Variants in MAML2 observed in about 807,000 individuals in gnomAD.
The protein encoded by MAML2 is mastermind-like protein 2.
A neutral mutation model predicts 96.1 loss-of-function variants in MAML2; 22 were observed. The observed-to-expected ratio is 0.23, with a 90% CI of 0.16 to 0.33. The LOEUF (loss-of-function observed/expected upper bound fraction) is 0.33, where lower values mean the gene tolerates loss of function less well. Ranked by LOEUF, MAML2 falls within the 10% of genes least tolerant of loss-of-function variation. MAML2 has a pLI of 1.00. For missense variants in MAML2, 1,367 were observed against 1,392.4 expected, an observed-to-expected ratio of 0.98 and a Z score of 0.29; for synonymous variants, 561 against 521.3, an observed-to-expected ratio of 1.08 and a Z score of -1.04.
rs549312275 is a variant in MAML2, at chr11:96,034,432, T to TGTGTGTGAGAGAGAGA, written c.2140-42710_2140-42709insTCTCTCTCTCACACAC. 4.3e-3 allele frequency among the ~76,000 whole-genome samples: 581 copies of TGTGTGTGAGAGAGAGA among 135,674 alleles called. 4 individuals are homozygous for TGTGTGTGAGAGAGAGA. Among genetic ancestry groups the TGTGTGTGAGAGAGAGA allele is most frequent in the Middle Eastern group, 0.014 (4 of 276 alleles). 89.0% of individuals were successfully genotyped at this position (135,674 alleles called of 152,430 possible). On this transcript the variant is annotated intron_variant, in intron 2 of 4. Transcript: ENST00000524717. ...AAGTGTGTGTGTGTGTGTGTGTGTG[T>TGTGTGTGAGAGAGAGA]GAGAGAGAGAGAGAGAGAGAGAGAG...
At chr11:96,168,959 A>G (rs1861237582) in intron 1 of MAML2, among the ~76,000 whole-genome samples, 1 of 152,100 alleles carries the variant, frequency 6.6e-6, no homozygotes, top group Non-Finnish European at 1.5e-5. Context: ...TCAGATTTGA[A>G]CTACACCATA....
At chr11:96,116,601 A>T (rs994391048) in intron 1 of MAML2, among the ~76,000 whole-genome samples, 1 of 152,206 alleles carries the variant, frequency 6.6e-6, no homozygotes. Context: ...CCACTGGGAC[A>T]TATGGAGCTG....
At chr11:96,295,182 C>T (rs921950459) in intron 1 of MAML2, among the ~76,000 whole-genome samples, 1 of 152,102 alleles carries the variant, frequency 6.6e-6, no homozygotes. Flanking sequence ...CATTTAATTT[C>T]TATTACTAAT....
intron 1 of MAML2, among the ~76,000 whole-genome samples, chr11:96,324,374 AAT>A (rs999146459): frequency 6.6e-6 from 1 of 152,244 alleles, no homozygotes; most frequent in African/African-American, 2.4e-5. Context: ...ATAAACGCTT[AAT>A]ACATGTTATT....
Position 96,269,565 on chromosome 11 carries a change from G to T in MAML2, c.513+71818C>A, listed in dbSNP as rs1862884016. ...CTTGCTCTGTTGCCCAGCCCAGAGT[G>T]CAGTGGCACAATCTCAGCTCACCGC... On this transcript the variant is annotated intron_variant, in intron 1 of 4. Coordinates refer to ENST00000524717, the MANE Select transcript of MAML2 (RefSeq NM_032427.4). 1.4e-5 allele frequency among the ~76,000 whole-genome samples: 2 copies of T among 144,186 alleles called. 1 individual carries two copies. Among genetic ancestry groups the T allele is most frequent in the Non-Finnish European group, 3.0e-5 (2 of 66,750 alleles). The allele number at this position is 144,186 out of a possible 152,430, so 94.6% of individuals were successfully genotyped here. A position where few individuals can be genotyped will look rare whatever the true frequency, so the allele number is the denominator to read the frequency against.
chr11:96,236,432 G>T (rs1862368338), intron 1 of MAML2, among the ~76,000 whole-genome samples: 1 of 152,248 alleles, frequency 6.6e-6, no homozygotes, highest in Admixed American at 6.5e-5. Flanking sequence ...CCGAAAGTCT[G>T]TATCTTTCAA....
chr11:96,028,715 G>A (rs932181124), intron 2 of MAML2, among the ~76,000 whole-genome samples: 34 of 152,118 alleles, frequency 2.2e-4, no homozygotes, highest in African/African-American at 7.7e-4. Flanking sequence ...TCAGACTGGA[G>A]AAAGGAGAAA....
At chr11:96,315,437 C>T (rs1292312489) in intron 1 of MAML2, among the ~76,000 whole-genome samples, 1 of 152,134 alleles carries the variant, frequency 6.6e-6, no homozygotes, top group East Asian at 1.9e-4. Context: ...TTCCTATATG[C>T]TTATCTCCAC....
chr11:96,215,632 GTTAA>G (rs1198207821), intron 1 of MAML2, among the ~76,000 whole-genome samples: 1 of 151,572 alleles, frequency 6.6e-6, no homozygotes, highest in South Asian at 2.1e-4. Flanking sequence ...CAGTTCACCG[GTTAA>G]TTAAGCCCAC....
intron 1 of MAML2, among the ~76,000 whole-genome samples, chr11:96,106,900 A>T (rs537687144): frequency 1.3e-5 from 2 of 150,532 alleles, no homozygotes; most frequent in East Asian, 4.0e-4. Flanking sequence ...TAGCTAGAGG[A>T]TAAAGTGCTT....
chr11:96,123,639 G>A (rs904828093), intron 1 of MAML2, among the ~76,000 whole-genome samples: 1 of 152,154 alleles, frequency 6.6e-6, no homozygotes, highest in African/African-American at 2.4e-5. Context: ...AGTTTCCTCT[G>A]GAATCACCAA....
At position 96,309,765 on chromosome 11, in the gene MAML2, A is replaced by G. The variant is rs1863512159; in HGVS notation, c.513+31618T>C. Among the ~76,000 whole-genome samples the G allele has an allele frequency of 1.3e-5, 2 of 148,688 alleles. 1 individual carries two copies. The highest frequency in any genetic ancestry group is 5.0e-5 in the African/African-American group (2 of 40,164). ...TAGGCTGGAGTGCAGTGGTGCAGTC[A>G]CGGCTTACTGAGGTCCCGACCTCTC... On this transcript the variant is annotated intron_variant, in intron 1 of 4. Transcript: ENST00000524717.
chr11:95,989,981 C>A (rs1857885383), intron 3 of MAML2, among the ~76,000 whole-genome samples: 1 of 152,144 alleles, frequency 6.6e-6, no homozygotes, highest in African/African-American at 2.4e-5. Flanking sequence ...ACCCAGGCTG[C>A]ACCTTTTGGT....
chr11:96,325,629 T>TG (rs1237894330), intron 1 of MAML2, among the ~76,000 whole-genome samples: 28 of 141,690 alleles, frequency 2.0e-4, no homozygotes, highest in Non-Finnish European at 3.1e-4. Context: ...ACACTGATCA[T>TG]TTTTTTTTTT....
intron 2 of MAML2, among the ~76,000 whole-genome samples, chr11:96,063,538 T>C (rs186889220): frequency 3.7e-4 from 57 of 152,336 alleles, no homozygotes; most frequent in Non-Finnish European, 7.8e-4. Flanking sequence ...TTAAATACTT[T>C]ATACACATTA....
intron 2 of MAML2, among the ~76,000 whole-genome samples, chr11:96,077,042 A>C (rs536608710): frequency 6.6e-6 from 1 of 152,282 alleles, no homozygotes; most frequent in East Asian, 1.9e-4. Context: ...GATATTTGTG[A>C]GAATGACTGA....
chr11:96,132,824 A>G (rs918441622), intron 1 of MAML2, among the ~76,000 whole-genome samples: 3 of 152,196 alleles, frequency 2.0e-5, no homozygotes, highest in African/African-American at 7.2e-5. Context: ...TACAGTTCTC[A>G]TTGTAAAAGT....
At chr11:96,240,708 G>T (rs1234587300) in intron 1 of MAML2, among the ~76,000 whole-genome samples, 1 of 151,866 alleles carries the variant, frequency 6.6e-6, no homozygotes, top group Non-Finnish European at 1.5e-5. Flanking sequence ...AAGACCCACT[G>T]TTCCAAATAA....
intron 1 of MAML2, among the ~76,000 whole-genome samples, chr11:96,270,204 C>T (rs1591106235): frequency 9.3e-6 from 1 of 108,076 alleles, no homozygotes; most frequent in Non-Finnish European, 1.9e-5. Context: ...GTTGATTACT[C>T]TTTTTTTAAA....
Sources: allele counts gnomAD v4.1 joint callset (sites outside exome capture counted in the v4.1 genomes callset), GRCh38; gene constraint gnomAD v4.1.1; transcripts MANE v1.5; gene names NCBI Gene and HGNC (gene_info 2026-07-23, HGNC 2026-07-21).